The following MAP3K7CL variants were observed in gnomAD, a reference collection of about 807,000 sequenced individuals.
MAP3K7CL encodes MAP3K7 C-terminal-like protein.
In MAP3K7CL, 16 loss-of-function variants were observed where a neutral mutation model predicts 18.6. The ratio of observed to expected loss-of-function variants is 0.86; its 90% CI spans 0.58 to 1.31. The LOEUF (loss-of-function observed/expected upper bound fraction) is 1.31. Among genes scored for constraint, MAP3K7CL ranks in the 50% most tolerant of loss-of-function variants. The pLI is 0.00. For missense variants in MAP3K7CL, 163 were observed against 174.4 expected, an observed-to-expected ratio of 0.93 and a Z score of 0.37; for synonymous variants, 65 against 66.8, an observed-to-expected ratio of 0.97 and a Z score of 0.13.
intron 4 of MAP3K7CL, among the ~76,000 whole-genome samples, chr21:29,162,224 A>G (rs2087565904): frequency 6.6e-6 from 1 of 151,958 alleles, no homozygotes; most frequent in African/African-American, 2.4e-5. Context: ...ATGATAGAAA[A>G]ATCCTCAGTA....
chr21:29,124,400 T>TAACTTTAA (rs1568948849), intron 4 of MAP3K7CL, among the ~76,000 whole-genome samples: 1 of 149,964 alleles, frequency 6.7e-6, no homozygotes, highest in African/African-American at 2.4e-5. Flanking sequence ...CACATTTAAT[T>TAACTTTAA]AACTTTAAAT....
chr21:29,119,588 C>T (rs1259066341), intron 4 of MAP3K7CL, among the ~76,000 whole-genome samples: 1 of 151,990 alleles, frequency 6.6e-6, no homozygotes, highest in African/African-American at 2.4e-5. Flanking sequence ...TTTCTCTTTC[C>T]TGGTTTACAC....
intron 4 of MAP3K7CL, among the ~76,000 whole-genome samples, chr21:29,114,345 G>A (rs1054221325): frequency 1.0e-4 from 15 of 149,028 alleles, no homozygotes; most frequent in Admixed American, 6.7e-5. Context: ...CTGGGATTAC[G>A]GGTGTGTGCC....
At chr21:29,143,623 A>G (rs1275367170) in intron 2 of MAP3K7CL, among the ~76,000 whole-genome samples, 1 of 151,922 alleles carries the variant, frequency 6.6e-6, no homozygotes, top group African/African-American at 2.4e-5. Flanking sequence ...GGGTTTCTCC[A>G]TATTGGTCAG....
At chr21:29,165,007 T>G (rs559359908) in intron 4 of MAP3K7CL, among the ~76,000 whole-genome samples, 1 of 152,300 alleles carries the variant, frequency 6.6e-6, no homozygotes, top group South Asian at 2.1e-4. Flanking sequence ...AATATGAAAG[T>G]CATTGAAATG....
intron 4 of MAP3K7CL, among the ~76,000 whole-genome samples, chr21:29,118,508 G>A (rs939001636): frequency 7.9e-5 from 12 of 152,132 alleles, no homozygotes; most frequent in Non-Finnish European, 1.8e-4. Context: ...GGGTGACAGT[G>A]GGATGGTAAA....
intron 4 of MAP3K7CL, among the ~76,000 whole-genome samples, chr21:29,167,694 T>A (rs990467990): frequency 7.3e-4 from 9 of 12,408 alleles, no homozygotes; most frequent in African/African-American, 6.4e-3. Flanking sequence ...GAAGGACCAA[T>A]TTTTTTTTTT....
At chr21:29,145,421 G>A (rs1024757347) in intron 2 of MAP3K7CL, 3 of 152,156 alleles carry the variant, frequency 2.0e-5, no homozygotes, top group East Asian at 1.9e-4. Context: ...GTTTTACAAC[G>A]ATTCAGCCAA....
chr21:29,095,345 G>A (rs879368521), intron 4 of MAP3K7CL, among the ~76,000 whole-genome samples: 2 of 152,078 alleles, frequency 1.3e-5, no homozygotes, highest in Non-Finnish European at 2.9e-5. Context: ...GGGCTATAAA[G>A]AGGCAGGAGC....
intron 3 of MAP3K7CL, among the ~76,000 whole-genome samples, chr21:29,158,871 G>C (rs1218105761): frequency 6.6e-6 from 1 of 150,656 alleles, no homozygotes; most frequent in Non-Finnish European, 1.5e-5. Context: ...TAATTGAAAA[G>C]GGTGATTTAA....
chr21:29,133,090 T>TG (rs2086810055), intron 1 of MAP3K7CL, among the ~76,000 whole-genome samples: 1 of 152,222 alleles, frequency 6.6e-6, no homozygotes, highest in South Asian at 2.1e-4. Flanking sequence ...AGATGTATAT[T>TG]GCAAAAGCAA....
intron 4 of MAP3K7CL, among the ~76,000 whole-genome samples, chr21:29,101,092 C>T (rs557326618): frequency 1.5e-4 from 23 of 151,666 alleles, no homozygotes; most frequent in African/African-American, 4.4e-4. Context: ...TGAGCTACCG[C>T]GCGTGGCCGC....
upstream of MAP3K7CL, among the ~76,000 whole-genome samples, chr21:29,127,547 G>A (rs1357728989): frequency 2.0e-5 from 3 of 152,196 alleles, no homozygotes; most frequent in Non-Finnish European, 4.4e-5. Flanking sequence ...AGAAAAGCTG[G>A]TAAATGTTAA....
At chr21:29,116,669 C>A (rs967224265) in intron 4 of MAP3K7CL, among the ~76,000 whole-genome samples, 5 of 152,222 alleles carry the variant, frequency 3.3e-5, no homozygotes, top group Non-Finnish European at 7.4e-5. Context: ...TTTAGTTTTT[C>A]TTGATAAACA....
chr21:29,136,763 G>A (rs563329233), intron 2 of MAP3K7CL, among the ~76,000 whole-genome samples: 4 of 152,046 alleles, frequency 2.6e-5, no homozygotes, highest in African/African-American at 7.2e-5. Flanking sequence ...TCAAGCAATC[G>A]GCCCGCCTCA....
chr21:29,103,734 CAA>C (rs113442821), intron 4 of MAP3K7CL, among the ~76,000 whole-genome samples: 1 of 130,190 alleles, frequency 7.7e-6, no homozygotes. Flanking sequence ...GACTTTGTCT[CAA>C]AAAAAAAAAA....
At chr21:29,078,315 T>G (rs2085782013) in intron 1 of MAP3K7CL, among the ~76,000 whole-genome samples, 1 of 152,224 alleles carries the variant, frequency 6.6e-6, no homozygotes, top group Non-Finnish European at 1.5e-5. Context: ...TGTTAAAATC[T>G]TTTAATATTC....
At chr21:29,174,259 A>T (rs983635847) in intron 4 of MAP3K7CL, among the ~76,000 whole-genome samples, 1 of 152,214 alleles carries the variant, frequency 6.6e-6, no homozygotes, top group African/African-American at 2.4e-5. Context: ...AAAGAAGTCT[A>T]TTGGAGATTT....
At chr21:29,105,732 G>A (rs1680905016) in intron 4 of MAP3K7CL, among the ~76,000 whole-genome samples, 1 of 152,148 alleles carries the variant, frequency 6.6e-6, no homozygotes, top group Non-Finnish European at 1.5e-5. Context: ...GCCAGTGGGG[G>A]AGGAGGGGCA....
Sources: gnomAD v4.1 joint callset for allele counts (sites outside exome capture counted in the v4.1 genomes callset) on GRCh38, gnomAD v4.1.1 for gene constraint, MANE v1.5 for transcripts, NCBI Gene and HGNC (gene_info 2026-07-23, HGNC 2026-07-21) for gene names.